The following ESYT3 variants were observed in gnomAD, a reference collection of about 807,000 sequenced individuals.
ESYT3 encodes extended synaptotagmin 3.
A neutral mutation model predicts 111.5 loss-of-function variants in ESYT3; 101 were observed. The ratio of observed to expected loss-of-function variants is 0.91; its 90% CI spans 0.77 to 1.07. The LOEUF is 1.07. Among genes scored for constraint, ESYT3 ranks in the 50% least tolerant of loss-of-function variants. The probability of loss-of-function intolerance (pLI) is 0.00; values close to 1 mark genes in which losing one functional copy is unlikely to be tolerated. For missense variants in ESYT3, 1,097 were observed against 1,109.4 expected (o/e 0.99, Z 0.16); for synonymous variants, 416 against 446.8 (o/e 0.93, Z 0.87).
Position 138,434,810 on chromosome 3 carries a change from G to A in ESYT3, c.12G>A (p.Glu4=). The stretch of plus-strand genomic sequence containing the variant: ...ACTGCGGCGACGAGATGCGAGCAGA[G>A]GAGCCCTGCGCCCCCGGGGCCCCCA... MRA[E]EPCAPGAPSA... Residue 4 remains glutamate, a synonymous_variant, in exon 1 of 23, where the codon GAG becomes GAA. Coordinates refer to ENST00000389567, the MANE Select transcript of ESYT3 (RefSeq NM_031913.5). 3 of 1,559,842 alleles carry A rather than the reference G, an allele frequency of 1.9e-6. No homozygotes were observed. Among genetic ancestry groups the A allele is most frequent in the Non-Finnish European group, 8.7e-7 (1 of 1,155,348 alleles).
chr3:138,445,341 A>G (rs550881551), intron 1 of ESYT3, among the ~76,000 whole-genome samples: 2 of 152,310 alleles, frequency 1.3e-5, no homozygotes, highest in South Asian at 2.1e-4. Context: ...AGAGGCTCAG[A>G]TTGGGTGCGT....
At position 138,476,319 on chromosome 3, in the gene ESYT3, G is replaced by C. The variant is rs2033478825; in HGVS notation, c.2565G>C (p.Glu855Asp). 6.2e-7 allele frequency: 1 copy of C among 1,612,268 alleles called. No homozygotes were observed. Among genetic ancestry groups the C allele is most frequent in the Non-Finnish European group, 8.5e-7 (1 of 1,178,368 alleles). The stretch of plus-strand genomic sequence containing the variant: ...CACTTGGCTCACACAGAAGAAAGGA[G>C]TTAGGAAAAGTAAGTACAAGAGATA... ...SRPLGSHRRK[E>D]LGKVLIDLSK... is the part of the protein sequence containing the mutation. Residue 855 changes from glutamate to aspartate, a missense_variant, in exon 21 of 23, where the codon GAG (glutamate) becomes GAC (aspartate). Physicochemically the swap from Glu to Asp is conservative, Grantham distance 45. Transcript: ENST00000389567.
At position 138,440,653 on chromosome 3, in the gene ESYT3, C is replaced by T. The variant is rs1236033932; in HGVS notation, c.327+5528C>T. ...AATGGCTTGGAGTCAGGCCTGTCCT[C>T]GGGAAGGAAGAGGCAGATAAATTTT... On this transcript the variant is annotated intron_variant, in intron 1 of 22. Coordinates refer to ENST00000389567, the MANE Select transcript of ESYT3 (RefSeq NM_031913.5). The surrounding 1 kb of genome is among the most constrained non-coding windows in gnomAD (Gnocchi z 4.2). Among the ~76,000 whole-genome samples, 2 of 152,106 alleles carry T rather than the reference C, an allele frequency of 1.3e-5. No individual in the cohort carries two copies. Among genetic ancestry groups the T allele is most frequent in the Admixed American group, 6.5e-5 (1 of 15,282 alleles).
intron 1 of ESYT3, among the ~76,000 whole-genome samples, chr3:138,451,086 C>CT (rs1368022313): frequency 2.0e-5 from 3 of 152,256 alleles, no homozygotes; most frequent in Non-Finnish European, 4.4e-5. Flanking sequence ...GATGCAGAGA[C>CT]TGAGACTCCT....
intron 6 of ESYT3, 38 bp from the exon 7 acceptor site, chr3:138,460,573 A>G: frequency 1.2e-6 from 2 of 1,612,406 alleles, no homozygotes; most frequent in African/African-American, 2.7e-5. Flanking sequence ...TGGGCTCCCA[A>G]CCCTTTCCAG....
At position 138,435,110 on chromosome 3, in the gene ESYT3, G is replaced by A; in HGVS notation, c.312G>A (p.Gln104=). 42 of 1,584,564 alleles carry A rather than the reference G, an allele frequency of 2.7e-5. No individual in the cohort carries two copies. The highest frequency in any genetic ancestry group is 3.4e-5 in the Non-Finnish European group (40 of 1,167,240). Residue 104 remains glutamine, a synonymous_variant, in exon 1 of 23, where the codon CAG becomes CAA. Transcript: ENST00000389567. This position sits in a 1 kb window ranked among gnomAD's most constrained non-coding sequence, Gnocchi z 4.8. ...REFISRELRG[Q]HLPAWIHFPD... is the part of the protein sequence containing the mutation. ...TCATCAGCCGCGAGCTGCGGGGCCA[G>A]CACCTGCCAGCCTGGGTGAGCCAAG...
At chr3:138,463,269 A>G (rs1054975291) in intron 8 of ESYT3, among the ~76,000 whole-genome samples, 2 of 151,908 alleles carry the variant, frequency 1.3e-5, no homozygotes, top group South Asian at 4.2e-4. Flanking sequence ...TAATTTTTGT[A>G]TTTTTAGTAG....
intron 1 of ESYT3, among the ~76,000 whole-genome samples, chr3:138,442,382 T>C (rs1266490103): frequency 6.6e-6 from 1 of 152,252 alleles, no homozygotes. Context: ...TTCATATGAA[T>C]ATACCACAAG....
At position 138,472,540 on chromosome 3, in the gene ESYT3, G is replaced by A. The variant is rs199942859; in HGVS notation, c.1918G>A (p.Val640Ile). Reference sequence around the variant, plus strand: ...AGACCCTGCTTCTGATACTAAGGACGTATCCAGGAGTACCACAACCACCAC... The same window carrying A: ...AGACCCTGCTTCTGATACTAAGGACATATCCAGGAGTACCACAACCACCAC... ...PPDPASDTKDVSRSTTTTTSA... is the reference protein window; with the variant it reads ...PPDPASDTKDISRSTTTTTSA... The change falls in exon 18 of 23, where the codon GTA (valine) becomes ATA (isoleucine). Residue 640 changes from valine to isoleucine, a missense_variant. Physicochemically the swap from Val to Ile is conservative, Grantham distance 29 (BLOSUM62 3). Transcript: ENST00000389567. 6.6e-5 allele frequency: 106 copies of A among 1,614,092 alleles called. 4 individuals carry two copies. The South Asian group carries it at 6.9e-4, about 11-fold the overall frequency.
chr3:138,438,857 T>C (rs2030926671), intron 1 of ESYT3, among the ~76,000 whole-genome samples: 1 of 152,200 alleles, frequency 6.6e-6, no homozygotes. Flanking sequence ...GGGTCCCCTT[T>C]GTCTTGTGAA....
intron 3 of ESYT3, among the ~76,000 whole-genome samples, chr3:138,456,220 CTTA>C (rs770987868): frequency 6.6e-6 from 1 of 152,256 alleles, no homozygotes; most frequent in Non-Finnish European, 1.5e-5. Context: ...TCACCTGTGA[CTTA>C]TTGAGCACGT....
At chr3:138,473,400 A>G in intron 18 of ESYT3, 136 bp from the exon 19 acceptor site, 1 of 778,444 alleles carries the variant, frequency 1.3e-6, no homozygotes. Context: ...ATTCCATCTG[A>G]AAGTAAACTC....
In ESYT3 at chr3:138,468,873, T is replaced by C; in HGVS notation, c.1426T>C (p.Phe476Leu). 6.2e-7 allele frequency: 1 copy of C among 1,614,140 alleles called. No homozygotes were observed. Among genetic ancestry groups the C allele is most frequent in the Non-Finnish European group, 8.5e-7 (1 of 1,180,016 alleles). ...ATATCGAGCCAAAAAACTCTCCAGGTTTGCCAGAGTGAGTGAGTATGTGGC... is the reference window on the plus strand; with the variant it reads ...ATATCGAGCCAAAAAACTCTCCAGGCTTGCCAGAGTGAGTGAGTATGTGGC... ...GEYRAKKLSR[F>L]ARNKVSKDPS... Residue 476 changes from phenylalanine (F) to leucine (L), a missense_variant, in exon 14 of 23, where the codon TTT becomes CTT. Physicochemically the swap from Phe to Leu is conservative, Grantham distance 22. Coordinates refer to ENST00000389567, the MANE Select transcript of ESYT3 (RefSeq NM_031913.5).
In ESYT3 at chr3:138,464,415, G is replaced by C. The variant is rs759361879; in HGVS notation, c.986G>C (p.Gly329Ala). The change falls in exon 9 of 23, where the codon GGC becomes GCC. Residue 329 changes from glycine (G) to alanine (A), a missense_variant. Coordinates refer to ENST00000389567, the MANE Select transcript of ESYT3 (RefSeq NM_031913.5). ...AAGGACAACTTTCTGGGGCTCCGAG[G>C]CAAGTCAGATCCCTACGCCAAGGTG... Reference protein sequence around the residue: ...AQKDNFLGLRGKSDPYAKVSI... With the variant: ...AQKDNFLGLRAKSDPYAKVSI... The C allele has an allele frequency of 1.2e-5, 19 of 1,614,016 alleles. No individual in the cohort carries two copies. The highest frequency in any genetic ancestry group is 1.4e-5 in the Non-Finnish European group (16 of 1,180,006).
At chr3:138,464,246 A>G (rs2032803949) in intron 8 of ESYT3, 99 bp from the exon 9 acceptor site, 2 of 1,379,504 alleles carry the variant, frequency 1.4e-6, no homozygotes, top group South Asian at 1.3e-5. Flanking sequence ...AGGGGGCAAT[A>G]TGGGGGCAGC....
rs1199055583 is a variant in ESYT3 at position 138,440,709 on chromosome 3, T to A, written c.327+5584T>A. 2.0e-5 allele frequency among the ~76,000 whole-genome samples: 3 copies of A among 152,314 alleles called. No homozygotes were observed. Among genetic ancestry groups the A allele is most frequent in the Middle Eastern group, 6.8e-3 (2 of 294 alleles). On this transcript the variant is annotated intron_variant, in intron 1 of 22. Transcript: ENST00000389567. This position sits in a 1 kb window ranked among gnomAD's most constrained non-coding sequence, Gnocchi z 4.2. ...ATGCCTTTGGGGTTTCTGCCCCATG[T>A]CTTAATGATGGTTCATGGACTTATC...
chr3:138,457,659 G>T lies in ESYT3; in HGVS notation c.581+15G>T, dbSNP rs757362274. Reference sequence around the variant, plus strand: ...CTGCAGATCTGGTGAGCTCTATCGGGCTGGGTATGGGCTTCGGGGTGCAGG... The same window carrying T: ...CTGCAGATCTGGTGAGCTCTATCGGTCTGGGTATGGGCTTCGGGGTGCAGG... On this transcript the variant is annotated intron_variant, in intron 4 of 22. Transcript: ENST00000389567. 1.9e-6 allele frequency: 3 copies of T among 1,613,862 alleles called. No individual in the cohort carries two copies. Among genetic ancestry groups the T allele is most frequent in the Non-Finnish European group, 2.5e-6 (3 of 1,179,806 alleles).
intron 6 of ESYT3, 70 bp downstream of exon 6, chr3:138,460,104 ATTGGGT>A: frequency 7.1e-7 from 1 of 1,412,456 alleles, no homozygotes; most frequent in South Asian, 1.2e-5. Context: ...GGCCCTAGAC[ATTGGGT>A]TTGAGTCCAA....
At chr3:138,451,978 G>A in intron 1 of ESYT3, 70 bp from the exon 2 acceptor site, 1 of 1,572,510 alleles carries the variant, frequency 6.4e-7, no homozygotes, top group Non-Finnish European at 8.7e-7. Flanking sequence ...AAGCCCGCCA[G>A]GCTGGCTTGC....
Sources: gnomAD v4.1 joint callset for allele counts (sites outside exome capture counted in the v4.1 genomes callset) on GRCh38, gnomAD v4.1.1 for gene constraint, Gnocchi (gnomAD v3.1) non-coding constraint, MANE v1.5 for transcripts, NCBI Gene and HGNC (gene_info 2026-07-23, HGNC 2026-07-21) for gene names.